The following BNIP5 variants were observed in gnomAD, a reference collection of about 807,000 sequenced individuals.
BNIP5 encodes BCL2 interacting protein 5.
In BNIP5, 61 loss-of-function variants were observed where a neutral mutation model predicts 67.3. That is an observed-to-expected ratio of 0.91 (90% CI 0.74 to 1.12). The LOEUF (loss-of-function observed/expected upper bound fraction) is 1.12. Among genes scored for constraint, BNIP5 ranks in the 50% most tolerant of loss-of-function variants. The pLI is 0.00. For synonymous variants in BNIP5, 317 were observed against 319.0 expected, an observed-to-expected ratio of 0.99 and a Z score of 0.07; for missense variants, 826 against 816.3, an observed-to-expected ratio of 1.01 and a Z score of -0.14.
intron 2 of BNIP5, 36 bp from the exon 3 acceptor site, chr6:36,328,750 G>T: frequency 8.4e-7 from 1 of 1,184,070 alleles, no homozygotes; most frequent in Non-Finnish European, 1.3e-6. Context: ...GTATGTAGGT[G>T]TGTATGTGCG....
rs1360046638 is a variant in BNIP5, at chr6:36,330,142, C to G, written c.549G>C (p.Gly183=). ...GCAAGGCAGCAGCTGCCTTGGACAA[C>G]CCTTCCTCTCGGCCTCTGGCCTCCT... ...QDQEARGREE[G]LSKAAAALRS... Residue 183 remains glycine, a synonymous_variant, in exon 2 of 12, where the codon GGG becomes GGC. Transcript: ENST00000437635. 6.2e-7 allele frequency: 1 copy of G among 1,613,280 alleles called. No individual in the cohort carries two copies. Among genetic ancestry groups the G allele is most frequent in the Non-Finnish European group, 8.5e-7 (1 of 1,180,008 alleles).
At chr6:36,328,439 G>A (rs965178208) in intron 3 of BNIP5, among the ~76,000 whole-genome samples, 159 bp downstream of exon 3, 2 of 152,070 alleles carry the variant, frequency 1.3e-5, no homozygotes, top group Admixed American at 6.5e-5. Flanking sequence ...TCTAAAATAA[G>A]CAAACGTGGC....
chr6:36,330,511 G>T lies in BNIP5; in HGVS notation c.180C>A (p.Asp60Glu). 6.2e-7 allele frequency: 1 copy of T among 1,614,132 alleles called. No individual in the cohort carries two copies. The highest frequency in any genetic ancestry group is 8.5e-7 in the Non-Finnish European group (1 of 1,180,018). Residue 60 changes from aspartate (D) to glutamate (E), a missense_variant, in exon 2 of 12, where the codon GAC becomes GAA. Coordinates refer to ENST00000437635, the MANE Select transcript of BNIP5 (RefSeq NM_001010903.5). ...GAGCCTCTGCAGATGGAGCTGGGCT[G>T]TCTGAATGTCTGGCCCAATCACTGG... is the stretch of plus-strand genomic sequence containing the variant. ...WTTSDWARHS[D>E]SPAPSAEAHC...
At chr6:36,331,533 C>G (rs1242900068) in intron 1 of BNIP5, among the ~76,000 whole-genome samples, 1 of 152,176 alleles carries the variant, frequency 6.6e-6, no homozygotes, top group Non-Finnish European at 1.5e-5. Flanking sequence ...CCTTTTCTGG[C>G]CCCGTGTTCT....
chr6:36,324,747 A>G (rs1771724590), intron 6 of BNIP5, among the ~76,000 whole-genome samples: 1 of 147,540 alleles, frequency 6.8e-6, no homozygotes, highest in South Asian at 2.2e-4. Flanking sequence ...CCCTGTCCCT[A>G]TCCTTTTTAC....
intron 7 of BNIP5, 92 bp downstream of exon 7, chr6:36,324,037 A>G: frequency 2.1e-6 from 2 of 944,342 alleles, no homozygotes; most frequent in Non-Finnish European, 3.5e-6. Flanking sequence ...AGCAGGACAC[A>G]GAAGAGCAGC....
In BNIP5 at chr6:36,326,733, C is replaced by T. The variant is rs756699965; in HGVS notation, c.813G>A (p.Leu271=). ...GTGCTGGGTTTGGCAGGGCCACCCCCAGCTGTGAGGCCAGAGATTGCTGTT... is the reference window on the plus strand; with the variant it reads ...GTGCTGGGTTTGGCAGGGCCACCCCTAGCTGTGAGGCCAGAGATTGCTGTT... ...WEEEQSLASQ[L]GVALPNPAPA... is the part of the protein sequence containing the mutation. The change falls in exon 5 of 12, where the codon CTG becomes CTA. Residue 271 remains leucine (L), a synonymous_variant. Coordinates refer to ENST00000437635, the MANE Select transcript of BNIP5 (RefSeq NM_001010903.5). The T allele has an allele frequency of 3.1e-6, 5 of 1,614,180 alleles. No homozygotes were observed. In the South Asian group the frequency reaches 5.5e-5, roughly 18 times the overall value.
intron 1 of BNIP5, among the ~76,000 whole-genome samples, chr6:36,331,749 C>A (rs1314468753): frequency 1.3e-5 from 2 of 152,154 alleles, no homozygotes; most frequent in African/African-American, 4.8e-5. Flanking sequence ...AGGCTGGTCT[C>A]AAACTCCTGG....
intron 1 of BNIP5, among the ~76,000 whole-genome samples, chr6:36,332,962 C>T (rs1247311025): frequency 1.3e-5 from 2 of 152,210 alleles, no homozygotes; most frequent in African/African-American, 4.8e-5. Flanking sequence ...CTTTAGCATG[C>T]ATTGACCAAG....
intron 9 of BNIP5, among the ~76,000 whole-genome samples, chr6:36,321,491 G>C (rs1771635666): frequency 1.3e-5 from 2 of 152,150 alleles, no homozygotes; most frequent in Admixed American, 6.5e-5. Context: ...TCATTTGATA[G>C]GTGGGAAACT....
At position 36,319,343 on chromosome 6, in the gene BNIP5, C is replaced by T. The variant is rs367960320; in HGVS notation, c.1923+13G>A. 93 of 1,612,448 alleles carry T rather than the reference C, an allele frequency of 5.8e-5. No individual in the cohort carries two copies. In the African/African-American group the frequency reaches 6.0e-4, roughly 10 times the overall value. On this transcript the variant is annotated intron_variant, in intron 11 of 11. Coordinates refer to ENST00000437635, the MANE Select transcript of BNIP5 (RefSeq NM_001010903.5). ...CATGCTACATTGCCATTGTCTTCCC[C>T]GCCCTCTCTCACCGGCTGGTCCTCC...
In BNIP5 at chr6:36,316,335, T is replaced by C. The variant is rs1023584585; in HGVS notation, c.*1021A>G. 1 of 396,402 alleles carries C rather than the reference T, an allele frequency of 2.5e-6. No individual in the cohort carries two copies. Among genetic ancestry groups the C allele is most frequent in the Non-Finnish European group, 4.4e-6 (1 of 225,256 alleles). 24.6% of individuals were successfully genotyped at this position (396,402 alleles called of 1,614,324 possible). ...ATGAACATGTGGCAAATTTCACACC[T>C]GAGTCAAGCTATTGAAACTGTTGAG... On this transcript the variant is annotated 3_prime_UTR_variant, in exon 12 of 12. Transcript: ENST00000437635.
intron 9 of BNIP5, 35 bp downstream of exon 9, chr6:36,322,276 G>A (rs1459468584): frequency 1.2e-6 from 2 of 1,613,058 alleles, no homozygotes; most frequent in Non-Finnish European, 8.5e-7. Context: ...AAGCACCCGG[G>A]AAGCTGTCCA....
chr6:36,328,575 G>A (rs780131847), intron 3 of BNIP5, 23 bp downstream of exon 3: 3 of 1,464,398 alleles, frequency 2.0e-6, no homozygotes, highest in Non-Finnish European at 1.9e-6. Context: ...CAGGCAAAAA[G>A]GTCACTAGAG....
rs944336755 is a variant in BNIP5, at chr6:36,316,781, G to C, written c.*575C>G. ...ACACAGGGTTAGAAGGATTCTGAGA[G>C]ACCAAGTGTCCCCAGTCTCTAGGTT... On this transcript the variant is annotated 3_prime_UTR_variant, in exon 12 of 12. Transcript: ENST00000437635. The C allele has an allele frequency of 2.5e-6, 1 of 399,498 alleles. No individual in the cohort carries two copies. The highest frequency in any genetic ancestry group is 3.6e-5 in the East Asian group (1 of 28,084). 24.7% of individuals were successfully genotyped at this position (399,498 alleles called of 1,614,324 possible).
At chr6:36,322,620 C>T (rs1158382641) in intron 8 of BNIP5, among the ~76,000 whole-genome samples, 178 bp from the exon 9 acceptor site, 2 of 152,182 alleles carry the variant, frequency 1.3e-5, no homozygotes, top group Non-Finnish European at 2.9e-5. Context: ...TCTCCAGAAA[C>T]CTAACTTTCG....
At position 36,336,696 on chromosome 6, in the gene BNIP5, G is replaced by T. The variant is rs1027590569; in HGVS notation, c.-5+16C>A. 6.6e-6 allele frequency: 1 copy of T among 152,240 alleles called. No individual in the cohort carries two copies. 9.4% of individuals were successfully genotyped at this position (152,240 alleles called of 1,614,324 possible). A position where few individuals can be genotyped will look rare whatever the true frequency, so the allele number is the denominator to read the frequency against. ...ACTGCTCCCGCCCCCAAAGGAGAGG[G>T]TATTGTTCAACCAACCTTGGACCAC... is the stretch of plus-strand genomic sequence containing the variant. On this transcript the variant is annotated intron_variant, in intron 1 of 11. Transcript: ENST00000437635.
chr6:36,335,403 C>T (rs1771993173), intron 1 of BNIP5, among the ~76,000 whole-genome samples: 1 of 152,200 alleles, frequency 6.6e-6, no homozygotes, highest in South Asian at 2.1e-4. Context: ...CGTGGACCCA[C>T]AGTCAACACC....
chr6:36,327,168 T>G (rs1455863462), intron 3 of BNIP5, 74 bp from the exon 4 acceptor site: 1 of 1,348,692 alleles, frequency 7.4e-7, no homozygotes, highest in East Asian at 2.3e-5. Context: ...CCATCTTGGA[T>G]AGTTCTCTTA....
Sources: gnomAD v4.1 joint callset for allele counts (sites outside exome capture counted in the v4.1 genomes callset) on GRCh38, gnomAD v4.1.1 for gene constraint, MANE v1.5 for transcripts, NCBI Gene and HGNC (gene_info 2026-07-23, HGNC 2026-07-21) for gene names.